The following APBA2 variants were observed in gnomAD, a reference collection of about 807,000 sequenced individuals.
APBA2 encodes the protein amyloid beta precursor protein binding family A member 2.
A neutral mutation model predicts 75.0 loss-of-function variants in APBA2; 30 were observed. The ratio of observed to expected loss-of-function variants is 0.40; its 90% confidence interval spans 0.30 to 0.54. The LOEUF is 0.54. Among genes scored for constraint, APBA2 ranks in the 20% least tolerant of loss-of-function variants. The pLI, the probability that APBA2 is intolerant of heterozygous loss-of-function variation, is 0.49. For missense variants in APBA2, 801 were observed against 1,016.1 expected (o/e 0.79, Z 2.88); for synonymous variants, 444 against 409.6 (o/e 1.08, Z -1.01).
chr15:28,947,514 A>C (rs991744260), intron 2 of APBA2, among the ~76,000 whole-genome samples: 1 of 152,142 alleles, frequency 6.6e-6, no homozygotes, highest in Non-Finnish European at 1.5e-5. Context: ...GCTGCCTCTC[A>C]GGCTAGGGGA....
chr15:29,117,050 TTCTG>T lies in APBA2; in HGVS notation c.2179-9_2179-6del, dbSNP rs775520625. On this transcript the variant is annotated splice_region_variant and splice_polypyrimidine_tract_variant and intron_variant, in intron 14 of 14. Coordinates refer to ENST00000683413, the MANE Select transcript of APBA2 (RefSeq NM_001353788.2). Reference sequence around the variant, plus strand: ...GGAGGGCAGCGGCTCAGCCTCCTGTTTCTGTCCGCAGATCCACATGAAGACCATG... The same window carrying T: ...GGAGGGCAGCGGCTCAGCCTCCTGTTTCCGCAGATCCACATGAAGACCATG... 6.2e-6 allele frequency: 10 copies of T among 1,612,988 alleles called. No homozygotes were observed. Among genetic ancestry groups the T allele is most frequent in the Admixed American group, 1.7e-5 (1 of 60,024 alleles).
chr15:28,981,302 T>C (rs879498035), intron 2 of APBA2, among the ~76,000 whole-genome samples: 4 of 152,040 alleles, frequency 2.6e-5, no homozygotes, highest in Non-Finnish European at 4.4e-5. Flanking sequence ...CTTAAACAAT[T>C]GAACAAGCAA....
At chr15:28,955,658 G>T (rs763112183) in intron 2 of APBA2, among the ~76,000 whole-genome samples, 40 of 152,352 alleles carry the variant, frequency 2.6e-4, no homozygotes, top group Non-Finnish European at 5.6e-4. Flanking sequence ...TTATTTAACT[G>T]TAGAGAACAA....
chr15:29,073,074 A>G (rs1216243295), intron 4 of APBA2, among the ~76,000 whole-genome samples: 1 of 152,194 alleles, frequency 6.6e-6, no homozygotes, highest in African/African-American at 2.4e-5. Flanking sequence ...TACCTGGGGC[A>G]CGGCATATCT....
At position 28,888,444 on chromosome 15, in the gene APBA2, G is replaced by T. The variant is rs746160845; in HGVS notation, c.-205+2166G>T. On this transcript the variant is annotated intron_variant, in intron 1 of 14. Coordinates refer to ENST00000683413, the MANE Select transcript of APBA2 (RefSeq NM_001353788.2). ...GGTGAGGGCTGTTGGAGTGGGGAGA[G>T]TGGGGGTTGAGCCTGGCTTCAGAGA... Among the ~76,000 whole-genome samples, 10 of 152,190 alleles carry T rather than the reference G, an allele frequency of 6.6e-5. 1 individual carries two copies. Among genetic ancestry groups the T allele is most frequent in the Non-Finnish European group, 1.3e-4 (9 of 68,028 alleles).
chr15:28,957,770 G>A (rs762167648), intron 2 of APBA2, among the ~76,000 whole-genome samples: 7 of 152,168 alleles, frequency 4.6e-5, no homozygotes, highest in Non-Finnish European at 8.8e-5. Flanking sequence ...CATCAGGTTC[G>A]GGGTGATGGG....
intron 1 of APBA2, among the ~76,000 whole-genome samples, chr15:28,899,569 C>T (rs1165221534): frequency 6.6e-6 from 1 of 152,186 alleles, no homozygotes; most frequent in Non-Finnish European, 1.5e-5. Flanking sequence ...ATGCTCAGGG[C>T]GTCGTGTGTG....
chr15:28,978,001 T>A (rs1029364709), intron 2 of APBA2, among the ~76,000 whole-genome samples: 4 of 152,198 alleles, frequency 2.6e-5, no homozygotes, highest in Non-Finnish European at 5.9e-5. Context: ...GCAGATAGGC[T>A]GCATCTATTG....
At chr15:29,096,489 T>C (rs1432008930) in intron 8 of APBA2, among the ~76,000 whole-genome samples, 2 of 152,226 alleles carry the variant, frequency 1.3e-5, no homozygotes. Context: ...CCCATGAATA[T>C]AACCTTTAAA....
At chr15:29,109,235 C>T (rs1410057029) in intron 13 of APBA2, among the ~76,000 whole-genome samples, 1 of 152,186 alleles carries the variant, frequency 6.6e-6, no homozygotes, top group East Asian at 1.9e-4. Flanking sequence ...TCTAGAAGGA[C>T]TACCAAATCT....
intron 2 of APBA2, among the ~76,000 whole-genome samples, chr15:28,943,776 T>C (rs1194772823): frequency 6.6e-6 from 1 of 151,690 alleles, no homozygotes; most frequent in Non-Finnish European, 1.5e-5. Flanking sequence ...CCTCCAGCCC[T>C]GGCCCCTCCT....
At chr15:28,989,246 C>T (rs2038088706) in intron 2 of APBA2, among the ~76,000 whole-genome samples, 1 of 152,028 alleles carries the variant, frequency 6.6e-6, no homozygotes, top group Non-Finnish European at 1.5e-5. Context: ...AGTGTGGATT[C>T]TGGGGCCACA....
At chr15:29,032,369 T>C (rs1370556721) in intron 3 of APBA2, among the ~76,000 whole-genome samples, 4 of 152,234 alleles carry the variant, frequency 2.6e-5, no homozygotes, top group African/African-American at 9.6e-5. Context: ...GACCAAAGGC[T>C]GAGGTTCCCC....
chr15:29,100,712 C>G (rs1412359273), intron 9 of APBA2, among the ~76,000 whole-genome samples: 1 of 152,188 alleles, frequency 6.6e-6, no homozygotes, highest in East Asian at 1.9e-4. Context: ...CTCTTCTGCA[C>G]AGCAGGAAGG....
At chr15:28,908,603 C>T (rs2033265100) in intron 1 of APBA2, among the ~76,000 whole-genome samples, 1 of 152,112 alleles carries the variant, frequency 6.6e-6, no homozygotes, top group African/African-American at 2.4e-5. Flanking sequence ...GCCACTGCAC[C>T]AGGCCCACTG....
intron 2 of APBA2, among the ~76,000 whole-genome samples, chr15:28,988,325 G>A (rs2038036380): frequency 6.6e-6 from 1 of 150,760 alleles, no homozygotes; most frequent in South Asian, 2.1e-4. Context: ...GTGCAGTGGC[G>A]TGATCTCGGC....
chr15:28,977,478 A>G (rs12443112), intron 2 of APBA2: 46,293 of 151,996 alleles, frequency 0.3, 11,658 homozygotes, highest in African/African-American at 0.67. Flanking sequence ...CCTGGCCTCT[A>G]ACAGCATTTT....
chr15:28,933,000 C>T (rs1447283927), intron 2 of APBA2, among the ~76,000 whole-genome samples: 3 of 152,140 alleles, frequency 2.0e-5, no homozygotes. Context: ...TGAGGGCCTT[C>T]TTGCTGCGTC....
At position 28,888,756 on chromosome 15, in the gene APBA2, C is replaced by T. The variant is rs560211196; in HGVS notation, c.-205+2478C>T. ...GAGAGCTCTGGGCCTGGGTGGCGGG[C>T]GGTCCTGGCTGTATCACTCACAGGC... On this transcript the variant is annotated intron_variant, in intron 1 of 14. Coordinates refer to ENST00000683413, the MANE Select transcript of APBA2 (RefSeq NM_001353788.2). 1.7e-4 allele frequency among the ~76,000 whole-genome samples: 26 copies of T among 152,180 alleles called. 1 individual carries two copies. In the South Asian group the frequency reaches 5.0e-3, roughly 29 times the overall value.
Sources: allele counts gnomAD v4.1 joint callset (sites outside exome capture counted in the v4.1 genomes callset), GRCh38; gene constraint gnomAD v4.1.1; transcripts MANE v1.5; gene names NCBI Gene and HGNC (gene_info 2026-07-23, HGNC 2026-07-21).